MINDY3: variants seen among roughly 807,000 people sequenced by gnomAD.
MINDY3 encodes the protein MINDY lysine 48 deubiquitinase 3, also known as ubiquitin carboxyl-terminal hydrolase MINDY-3.
A neutral mutation model predicts 69.2 loss-of-function variants in MINDY3; 38 were observed. The ratio of observed to expected loss-of-function variants is 0.55; its 90% CI spans 0.42 to 0.72. The LOEUF is 0.72. Among genes scored for constraint, MINDY3 ranks in the 30% least tolerant of loss-of-function variants. The probability of loss-of-function intolerance (pLI) is 0.00; values close to 1 mark genes in which losing one functional copy is unlikely to be tolerated. For synonymous variants in MINDY3, 192 were observed against 180.1 expected (o/e 1.07, Z -0.53); for missense variants, 522 against 519.0 (o/e 1.01, Z -0.06).
intron 9 of MINDY3, among the ~76,000 whole-genome samples, chr10:15,820,715 G>C (rs1839700436): frequency 6.6e-6 from 1 of 152,150 alleles, no homozygotes; most frequent in African/African-American, 2.4e-5. Context: ...ACATGAAAAA[G>C]GAACGCTGTC....
intron 10 of MINDY3, among the ~76,000 whole-genome samples, chr10:15,800,557 T>C (rs2131902626): frequency 6.6e-6 from 1 of 152,144 alleles, no homozygotes; most frequent in Middle Eastern, 3.4e-3. Context: ...AGTTCTCACA[T>C]ACTTTTCATC....
chr10:15,821,601 AC>A, intron 9 of MINDY3, 54 bp downstream of exon 9: 1 of 1,348,078 alleles, frequency 7.4e-7, no homozygotes, highest in Non-Finnish European at 1.1e-6. Context: ...AACAGTATCC[AC>A]AATAGTGGAC....
intron 8 of MINDY3, among the ~76,000 whole-genome samples, chr10:15,824,341 T>TC (rs1839955241): frequency 6.6e-6 from 1 of 152,174 alleles, no homozygotes; most frequent in Non-Finnish European, 1.5e-5. Context: ...TCATTGTGGT[T>TC]TTGATTTGTA....
chr10:15,783,758 A>G (rs1271033290), intron 13 of MINDY3, among the ~76,000 whole-genome samples: 1 of 152,178 alleles, frequency 6.6e-6, no homozygotes, highest in Non-Finnish European at 1.5e-5. Flanking sequence ...AGAAAAATCA[A>G]TTTGATCGTT....
intron 11 of MINDY3, 79 bp from the exon 12 acceptor site, chr10:15,789,398 G>GAA: frequency 9.2e-7 from 1 of 1,087,218 alleles, no homozygotes; most frequent in South Asian, 1.4e-5. Flanking sequence ...CAGGTTCCAG[G>GAA]AAAAAAAAAT....
intron 13 of MINDY3, among the ~76,000 whole-genome samples, chr10:15,785,484 ATATAAT>A (rs935172133): frequency 6.6e-6 from 1 of 152,188 alleles, no homozygotes; most frequent in Non-Finnish European, 1.5e-5. Flanking sequence ...CAGCCTTGAA[ATATAAT>A]TAAAATTAAT....
At chr10:15,780,658 T>C (rs1204658956) in intron 14 of MINDY3, among the ~76,000 whole-genome samples, 1 of 152,234 alleles carries the variant, frequency 6.6e-6, no homozygotes, top group Non-Finnish European at 1.5e-5. Flanking sequence ...ATGCAGCTTA[T>C]AATTTTAGCT....
At chr10:15,818,620 T>A (rs1287813200) in intron 9 of MINDY3, among the ~76,000 whole-genome samples, 2 of 152,122 alleles carry the variant, frequency 1.3e-5, no homozygotes, top group Non-Finnish European at 1.5e-5. Context: ...CAGATAAAAT[T>A]GGTTTAACAT....
intron 2 of MINDY3, among the ~76,000 whole-genome samples, chr10:15,846,890 G>A (rs906198216): frequency 1.1e-4 from 16 of 151,676 alleles, no homozygotes; most frequent in African/African-American, 3.4e-4. Context: ...CGCCCGGCTA[G>A]TTTTTTGTAT....
At chr10:15,833,782 T>C (rs963495897) in intron 7 of MINDY3, 73 bp from the exon 8 acceptor site, 12 of 959,256 alleles carry the variant, frequency 1.3e-5, no homozygotes, top group Non-Finnish European at 1.7e-5. Context: ...CAGCAAAGTA[T>C]AAAGTAATGA....
chr10:15,828,475 A>T (rs1840241252), intron 8 of MINDY3, among the ~76,000 whole-genome samples: 1 of 152,112 alleles, frequency 6.6e-6, no homozygotes, highest in Non-Finnish European at 1.5e-5. Context: ...TTTAAAATTG[A>T]TTGTGGTGAT....
rs1282835406 is a variant in MINDY3 at position 15,860,266 on chromosome 10, C to T, written c.34G>A (p.Val12Met). Residue 12 changes from valine to methionine, a missense_variant, in exon 1 of 15, where the codon GTG becomes ATG. Transcript: ENST00000277632. Reference protein sequence around the residue: ...SELTKELMELVWGTKSSPGLS... With the variant: ...SELTKELMELMWGTKSSPGLS... ...CCGGGGCTGCTCTTGGTGCCCCACA[C>T]CAGCTCCATCAGCTCTTTAGTCAGT... 6.2e-7 allele frequency: 1 copy of T among 1,610,270 alleles called. No homozygotes were observed.
intron 8 of MINDY3, among the ~76,000 whole-genome samples, chr10:15,825,192 A>G (rs148645072): frequency 6.6e-5 from 10 of 152,336 alleles, no homozygotes; most frequent in Non-Finnish European, 7.4e-5. Flanking sequence ...TGTTCATTAC[A>G]GCATTTTGGA....
intron 12 of MINDY3, among the ~76,000 whole-genome samples, chr10:15,787,855 C>T (rs898925886): frequency 6.6e-5 from 10 of 152,030 alleles, no homozygotes; most frequent in Non-Finnish European, 1.5e-4. Context: ...GTGTTTAATT[C>T]ATTTAATCCT....
chr10:15,787,136 A>T (rs959777375), intron 12 of MINDY3, among the ~76,000 whole-genome samples: 2 of 152,314 alleles, frequency 1.3e-5, no homozygotes, highest in Admixed American at 6.5e-5. Context: ...AGCAGCTTAA[A>T]ATTCATAGAC....
chr10:15,782,029 C>G (rs908569955), intron 14 of MINDY3, 126 bp downstream of exon 14: 12 of 731,676 alleles, frequency 1.6e-5, no homozygotes, highest in African/African-American at 3.6e-5. Context: ...AAAATGTGTC[C>G]TCATAGTAAA....
intron 8 of MINDY3, among the ~76,000 whole-genome samples, chr10:15,830,039 C>T (rs1720323217): frequency 6.6e-6 from 1 of 152,128 alleles, no homozygotes; most frequent in South Asian, 2.1e-4. Context: ...GAAGACTCAG[C>T]AACTCATTAG....
At chr10:15,843,529 GAACT>G (rs1445585954) in intron 2 of MINDY3, among the ~76,000 whole-genome samples, 3 of 151,956 alleles carry the variant, frequency 2.0e-5, no homozygotes, top group African/African-American at 7.2e-5. Flanking sequence ...ACAAGTAGAA[GAACT>G]AACTCACATA....
At chr10:15,787,408 A>G (rs1308825633) in intron 12 of MINDY3, among the ~76,000 whole-genome samples, 2 of 152,172 alleles carry the variant, frequency 1.3e-5, no homozygotes, top group African/African-American at 4.8e-5. Flanking sequence ...TTTCCTTGCT[A>G]TCTCAAACTA....
Sources: gnomAD v4.1 joint callset for allele counts (sites outside exome capture counted in the v4.1 genomes callset) on GRCh38, gnomAD v4.1.1 for gene constraint, MANE v1.5 for transcripts, NCBI Gene and HGNC (gene_info 2026-07-23, HGNC 2026-07-21) for gene names.